Variants in CEP85L observed in about 807,000 individuals in gnomAD.
CEP85L encodes the protein centrosomal protein 85L, also known as centrosomal protein of 85 kDa-like.
CEP85L carries 60 observed loss-of-function variants against 100.3 expected under a neutral mutation model. The observed-to-expected ratio is 0.60, with a 90% confidence interval of 0.49 to 0.74. CEP85L has a LOEUF of 0.74. CEP85L is among the 30% of genes least tolerant of loss of function. CEP85L has a pLI of 0.00. For synonymous variants in CEP85L, 319 were observed against 322.7 expected (o/e 0.99, Z 0.12); for missense variants, 973 against 936.2 (o/e 1.04, Z -0.51).
intron 2 of CEP85L, among the ~76,000 whole-genome samples, chr6:118,628,415 C>T (rs1390254492): frequency 6.6e-6 from 1 of 151,942 alleles, no homozygotes; most frequent in Non-Finnish European, 1.5e-5. Flanking sequence ...TGAAGAATGC[C>T]TTTGATGGGA....
chr6:118,467,438 G>T (rs984473395), intron 12 of CEP85L, among the ~76,000 whole-genome samples: 2 of 152,148 alleles, frequency 1.3e-5, no homozygotes, highest in Non-Finnish European at 2.9e-5. Context: ...AACCAAGGTA[G>T]TGCACAGTTT....
At chr6:118,641,310 A>C (rs1401776189) in intron 1 of CEP85L, among the ~76,000 whole-genome samples, 1 of 152,230 alleles carries the variant, frequency 6.6e-6, no homozygotes, top group African/African-American at 2.4e-5. Context: ...GAGATTAAGC[A>C]TAAGCTTTCT....
intron 5 of CEP85L, among the ~76,000 whole-genome samples, chr6:118,496,356 T>TTTTTATTTTATTTTATTTTATTTAA (rs1774921418): frequency 7.2e-6 from 1 of 139,460 alleles, no homozygotes; most frequent in South Asian, 2.3e-4. Context: ...TATTTTATAT[T>TTTTTATTTTATTTTATTTTATTTAA]TTTTATTTTA....
intron 2 of CEP85L, among the ~76,000 whole-genome samples, chr6:118,631,465 G>C (rs943912805): frequency 6.6e-6 from 1 of 152,098 alleles, no homozygotes; most frequent in African/African-American, 2.4e-5. Flanking sequence ...ACACTCCTAG[G>C]CATCTACTCA....
chr6:118,652,455 G>T, upstream of CEP85L: 3 of 1,240,506 alleles, frequency 2.4e-6, no homozygotes, highest in South Asian at 5.8e-5. Flanking sequence ...GAACTAGTTC[G>T]TATAAAAAAT....
At chr6:118,493,444 A>G (rs1385606766) in intron 5 of CEP85L, among the ~76,000 whole-genome samples, 1 of 152,218 alleles carries the variant, frequency 6.6e-6, no homozygotes, top group African/African-American at 2.4e-5. Flanking sequence ...GAGGAAAAAG[A>G]CAAGAGAGTG....
In CEP85L at chr6:118,511,424, CAT is replaced by C. The variant is rs913174298; in HGVS notation, c.1140-11_1140-10del. ...TAATTTGTTGCTTCTGCCTGCAAAA[CAT>C]AAATTAAGGTCACATTATGAGTTAT... On this transcript the variant is annotated splice_polypyrimidine_tract_variant and intron_variant, in intron 4 of 12. Transcript: ENST00000368491. 3 of 1,554,858 alleles carry C rather than the reference CAT, an allele frequency of 1.9e-6. No homozygotes were observed. Among genetic ancestry groups the C allele is most frequent in the Non-Finnish European group, 2.7e-6 (3 of 1,127,130 alleles).
At chr6:118,588,625 C>G (rs1781002863) in intron 2 of CEP85L, among the ~76,000 whole-genome samples, 1 of 152,190 alleles carries the variant, frequency 6.6e-6, no homozygotes, top group Non-Finnish European at 1.5e-5. Flanking sequence ...GAATTCCAGT[C>G]TTCTTTATGG....
chr6:118,562,796 A>G (rs1034390700), intron 3 of CEP85L, among the ~76,000 whole-genome samples: 1 of 152,196 alleles, frequency 6.6e-6, no homozygotes, highest in Admixed American at 6.5e-5. Flanking sequence ...GAAGTTCAGA[A>G]ACATCCTAGG....
chr6:118,537,854 G>A (rs1277562199), intron 3 of CEP85L: 2 of 985,006 alleles, frequency 2.0e-6, no homozygotes, highest in East Asian at 1.1e-4. Context: ...CTCACAACAT[G>A]TCACGTAACA....
intron 2 of CEP85L, among the ~76,000 whole-genome samples, chr6:118,569,368 A>AAATG (rs56914205): frequency 2.6e-4 from 37 of 140,868 alleles, no homozygotes; most frequent in African/African-American, 9.5e-4. Flanking sequence ...AAAAAAAAAA[A>AAATG]GGAGTAAAAT....
chr6:118,544,080 G>C (rs908050181), intron 3 of CEP85L, among the ~76,000 whole-genome samples: 1 of 152,112 alleles, frequency 6.6e-6, no homozygotes, highest in Non-Finnish European at 1.5e-5. Context: ...CCACCACAAA[G>C]TTTGCGAATG....
chr6:118,555,983 A>G (rs558104959), intron 3 of CEP85L, among the ~76,000 whole-genome samples: 73 of 152,192 alleles, frequency 4.8e-4, no homozygotes, highest in Non-Finnish European at 1.0e-3. Flanking sequence ...ACATGATATC[A>G]TTCTTTTTTA....
At chr6:118,660,493 A>C (rs1250904372) in intron 1 of CEP85L, among the ~76,000 whole-genome samples, 3 of 152,364 alleles carry the variant, frequency 2.0e-5, no homozygotes, top group Admixed American at 2.0e-4. Flanking sequence ...GATCTCTAGT[A>C]ACCCATACTC....
At chr6:118,586,902 A>G (rs940697688) in intron 2 of CEP85L, among the ~76,000 whole-genome samples, 1 of 152,200 alleles carries the variant, frequency 6.6e-6, no homozygotes, top group Non-Finnish European at 1.5e-5. Context: ...AATGTCAGAG[A>G]GAGAATCTCA....
At chr6:118,541,052 G>A (rs1777879450) in intron 3 of CEP85L, among the ~76,000 whole-genome samples, 1 of 151,830 alleles carries the variant, frequency 6.6e-6, no homozygotes, top group Non-Finnish European at 1.5e-5. Flanking sequence ...GTTAGCTAAG[G>A]GAAAAAAAAT....
chr6:118,538,920 A>T (rs756237701), intron 3 of CEP85L, among the ~76,000 whole-genome samples: 80 of 151,898 alleles, frequency 5.3e-4, no homozygotes, highest in Non-Finnish European at 9.1e-4. Flanking sequence ...TGGAAAAAAA[A>T]TTAATGATAT....
intron 1 of CEP85L, among the ~76,000 whole-genome samples, chr6:118,645,473 A>C (rs146725094): frequency 2.9e-3 from 445 of 152,268 alleles, no homozygotes; most frequent in African/African-American, 9.5e-3. Context: ...AAAGTTCAAG[A>C]CCAGCCTGGG....
intron 3 of CEP85L, chr6:118,558,936 A>G: frequency 6.2e-7 from 1 of 1,613,538 alleles, no homozygotes; most frequent in African/African-American, 1.3e-5. Context: ...AGAAAGTCCA[A>G]TACCTCACTC....
Sources: gnomAD v4.1 joint callset for allele counts (sites outside exome capture counted in the v4.1 genomes callset) on GRCh38, gnomAD v4.1.1 for gene constraint, MANE v1.5 for transcripts, NCBI Gene and HGNC (gene_info 2026-07-23, HGNC 2026-07-21) for gene names.